Variants in DECR2 observed in about 807,000 individuals in gnomAD.
DECR2 encodes peroxisomal 2,4-dienoyl-CoA reductase [(3E)-enoyl-CoA-producing].
Under a neutral mutation model 29.2 loss-of-function variants are expected in DECR2, and 34 were observed. The observed-to-expected ratio is 1.16, with a 90% CI of 0.89 to 1.55. The LOEUF (loss-of-function observed/expected upper bound fraction) is 1.55, where lower values mean the gene tolerates loss of function less well. Ranked by LOEUF, DECR2 falls within the 40% of genes most tolerant of loss-of-function variation. The pLI is 0.00. For missense variants in DECR2, 485 were observed against 425.3 expected (o/e 1.14, Z -1.23); for synonymous variants, 224 against 182.7 (o/e 1.23, Z -1.82).
chr16:401,947 T>A lies in DECR2; in HGVS notation c.-17T>A. On this transcript the variant is annotated 5_prime_UTR_variant, in exon 1 of 9. Coordinates refer to ENST00000219481, the MANE Select transcript of DECR2 (RefSeq NM_020664.4). ...CCGCTCCCGCCCGTTGTCCCCGCAG[T>A]CCCCGACGGGAGCGCCATGGCCCAG... 2 of 1,480,898 alleles carry A rather than the reference T, an allele frequency of 1.4e-6. No homozygotes were observed. Among genetic ancestry groups the A allele is most frequent in the African/African-American group, 2.9e-5 (2 of 68,558 alleles). 91.7% of individuals were successfully genotyped at this position (1,480,898 alleles called of 1,614,324 possible). A position where few individuals can be genotyped will look rare whatever the true frequency, so the allele number is the denominator to read the frequency against.
chr16:408,392 G>A (rs989381420), intron 4 of DECR2, among the ~76,000 whole-genome samples: 7 of 152,114 alleles, frequency 4.6e-5, no homozygotes, highest in Non-Finnish European at 1.0e-4. Flanking sequence ...TCTCCGGCCT[G>A]ACTCCGCTTC....
Position 404,063 on chromosome 16 carries a change from C to T in DECR2, c.81-893C>T, listed in dbSNP as rs566387587. 6.6e-4 allele frequency among the ~76,000 whole-genome samples: 101 copies of T among 152,050 alleles called. 2 individuals carry two copies. Among genetic ancestry groups the T allele is most frequent in the South Asian group, 6.0e-3 (29 of 4,818 alleles). On this transcript the variant is annotated intron_variant, in intron 1 of 8. Coordinates refer to ENST00000219481, the MANE Select transcript of DECR2 (RefSeq NM_020664.4). Reference sequence around the variant, plus strand: ...TGGCAGGTGCCTGTAGTCCCAGCTACTCTGGAGGCTGAGGCAGGAGAATGG... The same window carrying T: ...TGGCAGGTGCCTGTAGTCCCAGCTATTCTGGAGGCTGAGGCAGGAGAATGG...
In DECR2 at chr16:410,074, C is replaced by T. The variant is rs2054792505; in HGVS notation, c.338-169C>T. 2 of 950,164 alleles carry T rather than the reference C, an allele frequency of 2.1e-6. No homozygotes were observed. Among genetic ancestry groups the T allele is most frequent in the African/African-American group, 1.7e-5 (1 of 60,238 alleles). The allele number at this position is 950,164 out of a possible 1,614,324, so 58.9% of individuals were successfully genotyped here. On this transcript the variant is annotated intron_variant, in intron 4 of 8. Transcript: ENST00000219481. The surrounding 1 kb of genome is among the most constrained non-coding windows in gnomAD (Gnocchi z 4.1). ...CGGGGACACAGTGCAGCCAGGACGC[C>T]CGTCTTGCTCTGGTCATTTTGGAAT...
intron 1 of DECR2, among the ~76,000 whole-genome samples, chr16:403,406 G>C (rs959136075): frequency 6.6e-6 from 1 of 152,170 alleles, no homozygotes; most frequent in East Asian, 1.9e-4. Flanking sequence ...GTTTGTGCCA[G>C]TCATACCGAT....
chr16:407,990 T>C (rs1345149247), intron 4 of DECR2, among the ~76,000 whole-genome samples: 1 of 92,034 alleles, frequency 1.1e-5, no homozygotes, highest in African/African-American at 4.4e-5. Context: ...TCCGGGCCCC[T>C]GTCTCCGGGC....
In DECR2 at chr16:411,693, G is replaced by A. The variant is rs1010353387; in HGVS notation, c.*115G>A. 1.8e-4 allele frequency: 215 copies of A among 1,211,696 alleles called. 1 individual carries two copies. The highest frequency in any genetic ancestry group is 6.3e-4 in the Middle Eastern group (3 of 4,754). The allele number at this position is 1,211,696 out of a possible 1,614,324, so 75.1% of individuals were successfully genotyped here. A position where few individuals can be genotyped will look rare whatever the true frequency, so the allele number is the denominator to read the frequency against. Reference sequence around the variant, plus strand: ...GCGTCTCCTTTGTCCCCATCCTCCCGGCCCCTGCGCCAGCCTGCCCACACA... The same window carrying A: ...GCGTCTCCTTTGTCCCCATCCTCCCAGCCCCTGCGCCAGCCTGCCCACACA... On this transcript the variant is annotated intron_variant, in intron 8 of 8. Coordinates refer to ENST00000219481, the MANE Select transcript of DECR2 (RefSeq NM_020664.4).
chr16:405,108 G>C, intron 2 of DECR2, 84 bp downstream of exon 2: 1 of 1,536,026 alleles, frequency 6.5e-7, no homozygotes. Context: ...GAAAGATGTT[G>C]GTGGGAGGTA....
rs200680369 is a variant in DECR2 at position 405,034 on chromosome 16, C to G, written c.149+10C>G. On this transcript the variant is annotated intron_variant, in intron 2 of 8. Coordinates refer to ENST00000219481, the MANE Select transcript of DECR2 (RefSeq NM_020664.4). ...CTGAGATTTTCATGCGGTGAGACTG[C>G]TCTGTGTCCCTTCCCTGCTCCTCGC... is the stretch of plus-strand genomic sequence containing the variant. 2.6e-4 allele frequency: 418 copies of G among 1,613,988 alleles called. 4 individuals are homozygous for G. The African/African-American group carries it at 5.1e-3, about 20-fold the overall frequency.
Position 411,523 on chromosome 16 carries a change from T to C in DECR2, c.824T>C (p.Phe275Ser), listed in dbSNP as rs59613735. The change falls in exon 8 of 9, where the codon TTC becomes TCC. Residue 275 changes from phenylalanine (F) to serine (S), a missense_variant. Phe to Ser is a radical substitution (Grantham distance 155). Coordinates refer to ENST00000219481, the MANE Select transcript of DECR2 (RefSeq NM_020664.4). ...GCCGATGGCGGGGCATGGTTGACGT[T>C]CCCAAACGGTGTCAAAGGGCTGCCG... ...LVADGGAWLT[F>S]PNGVKGLPDF... is the part of the protein sequence containing the mutation. The C allele has an allele frequency of 6.2e-7, 1 of 1,614,028 alleles. No individual in the cohort carries two copies. The highest frequency in any genetic ancestry group is 1.7e-5 in the Admixed American group (1 of 60,024).
chr16:402,007 C>T lies in DECR2; in HGVS notation c.44C>T (p.Pro15Leu), dbSNP rs901620441. The change falls in exon 1 of 9, where the codon CCC (proline) becomes CTC (leucine). Residue 15 changes from proline to leucine, a missense_variant. Transcript: ENST00000219481. ...GACGTGGAGGGGGACGACTGTCTCCCCGCGTACCGCCACCTCTTCTGCCCG... is the reference window on the plus strand; with the variant it reads ...GACGTGGAGGGGGACGACTGTCTCCTCGCGTACCGCCACCTCTTCTGCCCG... ...PPDVEGDDCL[P>L]AYRHLFCPDL... 1.3e-6 allele frequency: 2 copies of T among 1,489,094 alleles called. No individual in the cohort carries two copies. The highest frequency in any genetic ancestry group is 1.8e-6 in the Non-Finnish European group (2 of 1,127,006). 92.2% of individuals were successfully genotyped at this position (1,489,094 alleles called of 1,614,324 possible).
rs746798406 is a variant in DECR2, at chr16:410,995, G to A, written c.580G>A (p.Val194Met). 2 of 1,603,448 alleles carry A rather than the reference G, an allele frequency of 1.2e-6. No homozygotes were observed. Among genetic ancestry groups the A allele is most frequent in the South Asian group, 2.2e-5 (2 of 89,134 alleles). Reference sequence around the variant, plus strand: ...AGACGCGATGACGCGGCACTTGGCTGTGGAGTGGGGTCCCCAAAACATCCG... The same window carrying A: ...AGACGCGATGACGCGGCACTTGGCTATGGAGTGGGGTCCCCAAAACATCCG... ...AVDAMTRHLA[V>M]EWGPQNIRVN... is the part of the protein sequence containing the mutation. Residue 194 changes from valine to methionine, a missense_variant, in exon 7 of 9, where the codon GTG (valine) becomes ATG (methionine). Val to Met is a conservative substitution (Grantham distance 21). Transcript: ENST00000219481. The surrounding 1 kb of genome is among the most constrained non-coding windows in gnomAD (Gnocchi z 4.1).
Position 410,142 on chromosome 16 carries a change from T to G in DECR2, c.338-101T>G, listed in dbSNP as rs2054793193. ...TCTCCTCCCTGTGCCACAGGGCACC[T>G]GGGCTCCCTCCTGCACCCTCCGCTC... is the stretch of plus-strand genomic sequence containing the variant. On this transcript the variant is annotated intron_variant, in intron 4 of 8. Coordinates refer to ENST00000219481, the MANE Select transcript of DECR2 (RefSeq NM_020664.4). The surrounding 1 kb of genome is among the most constrained non-coding windows in gnomAD (Gnocchi z 4.1). 15 of 1,491,222 alleles carry G rather than the reference T, an allele frequency of 1.0e-5. No homozygotes were observed. Among genetic ancestry groups the G allele is most frequent in the Non-Finnish European group, 1.3e-5 (14 of 1,111,096 alleles). 92.4% of individuals were successfully genotyped at this position (1,491,222 alleles called of 1,614,324 possible). A position where few individuals can be genotyped will look rare whatever the true frequency, so the allele number is the denominator to read the frequency against.
Position 410,768 on chromosome 16 carries a change from C to T in DECR2, c.540C>T (p.Ser180=), listed in dbSNP as rs754135610. The stretch of plus-strand genomic sequence containing the variant: ...AGGCGCTCCAGGTGCATGCAGGCTC[C>T]GCCAAGGCCGCTGTGGGTATGACCA... ...RGQALQVHAG[S]AKAAVDAMTR... is the part of the protein sequence containing the mutation. Residue 180 remains serine (S), a synonymous_variant, in exon 6 of 9, where the codon TCC becomes TCT. Transcript: ENST00000219481. This position sits in a 1 kb window ranked among gnomAD's most constrained non-coding sequence, Gnocchi z 4.1. The T allele has an allele frequency of 6.9e-6, 11 of 1,599,806 alleles. No homozygotes were observed. Among genetic ancestry groups the T allele is most frequent in the African/African-American group, 2.7e-5 (2 of 74,760 alleles).
At chr16:411,129 GGTGCCCAT>G (rs2054813894) in intron 7 of DECR2, 53 bp downstream of exon 7, 1 of 1,430,924 alleles carries the variant, frequency 7.0e-7, no homozygotes, top group African/African-American at 1.4e-5. Flanking sequence ...TGGGGCACAG[GGTGCCCAT>G]GAAGCTTCCA....
At chr16:406,506 T>A in intron 3 of DECR2, 109 bp downstream of exon 3, 1 of 1,192,604 alleles carries the variant, frequency 8.4e-7, no homozygotes, top group Non-Finnish European at 1.2e-6. Context: ...ACCAAAACTT[T>A]TTTTTTCTGA....
At chr16:403,149 G>T (rs945245925) in intron 1 of DECR2, 1 of 437,748 alleles carries the variant, frequency 2.3e-6, no homozygotes, top group Non-Finnish European at 3.0e-6. Flanking sequence ...GCCTCAGTGC[G>T]CCCAAGTGGG....
intron 4 of DECR2, among the ~76,000 whole-genome samples, chr16:408,249 G>T (rs528293664): frequency 7.0e-6 from 1 of 142,880 alleles, no homozygotes; most frequent in Non-Finnish European, 1.5e-5. Context: ...CTCTGTCTCC[G>T]GCCCCCTGTC....
chr16:404,277 T>C (rs1425610383), intron 1 of DECR2, among the ~76,000 whole-genome samples: 1 of 152,014 alleles, frequency 6.6e-6, no homozygotes, highest in Non-Finnish European at 1.5e-5. Flanking sequence ...TCGCTCTTGT[T>C]GCCCAGGCTG....
In DECR2 at chr16:411,484, G is replaced by C; in HGVS notation, c.785G>C (p.Gly262Ala). The change falls in exon 8 of 9, where the codon GGG becomes GCG. Residue 262 changes from glycine (G) to alanine (A), a missense_variant. Coordinates refer to ENST00000219481, the MANE Select transcript of DECR2 (RefSeq NM_020664.4). ...AGCCCTCTGGCTTCCTACGTGACGG[G>C]GGCCGTGCTGGTGGCCGATGGCGGG... ...LASPLASYVTGAVLVADGGAW... is the reference protein window; with the variant it reads ...LASPLASYVTAAVLVADGGAW... 1.2e-6 allele frequency: 2 copies of C among 1,614,006 alleles called. No individual in the cohort carries two copies. The highest frequency in any genetic ancestry group is 1.7e-6 in the Non-Finnish European group (2 of 1,180,012).
Sources: allele counts gnomAD v4.1 joint callset (sites outside exome capture counted in the v4.1 genomes callset), GRCh38; gene constraint gnomAD v4.1.1; non-coding constraint Gnocchi (gnomAD v3.1); transcripts MANE v1.5; gene names NCBI Gene and HGNC (gene_info 2026-07-23, HGNC 2026-07-21).